STAG1: variants seen among roughly 807,000 people sequenced by gnomAD.
STAG1 encodes the protein cohesin subunit SA-1.
STAG1 carries 26 observed loss-of-function variants against 170.9 expected under a neutral mutation model. The ratio of observed to expected loss-of-function variants is 0.15; its 90% CI spans 0.11 to 0.21. The LOEUF (loss-of-function observed/expected upper bound fraction) is 0.21, where lower values mean the gene tolerates loss of function less well. Among genes scored for constraint, STAG1 ranks in the 10% least tolerant of loss-of-function variants. STAG1 has a pLI of 1.00. For missense variants in STAG1, 964 were observed against 1,509.5 expected (o/e 0.64, Z 5.99); for synonymous variants, 514 against 497.7 (o/e 1.03, Z -0.44).
intron 1 of STAG1, among the ~76,000 whole-genome samples, chr3:136,668,390 A>AAAT (rs1371420944): frequency 6.8e-6 from 1 of 146,420 alleles, no homozygotes; most frequent in East Asian, 1.9e-4. Flanking sequence ...ATAATATATA[A>AAAT]AATATATATT....
chr3:136,739,514 AAAAAAG>A (rs1283435963), intron 1 of STAG1, among the ~76,000 whole-genome samples: 3 of 149,104 alleles, frequency 2.0e-5, no homozygotes, highest in Non-Finnish European at 3.0e-5. Flanking sequence ...AAAAAAAAAA[AAAAAAG>A]AAAAAAAAAA....
chr3:136,706,099 G>A (rs1436030394), intron 1 of STAG1, among the ~76,000 whole-genome samples: 1 of 151,996 alleles, frequency 6.6e-6, no homozygotes, highest in Non-Finnish European at 1.5e-5. Context: ...AAAAACTCAG[G>A]AAACCAGCAA....
At chr3:136,662,502 A>G (rs1328066531) in intron 1 of STAG1, among the ~76,000 whole-genome samples, 1 of 151,830 alleles carries the variant, frequency 6.6e-6, no homozygotes, top group Non-Finnish European at 1.5e-5. Flanking sequence ...TGAGTGTGCT[A>G]GCGCAATCAT....
intron 16 of STAG1, among the ~76,000 whole-genome samples, chr3:136,431,028 C>T (rs1030742967): frequency 2.0e-5 from 3 of 151,962 alleles, no homozygotes; most frequent in East Asian, 1.9e-4. Context: ...CTCAGCCTCT[C>T]GAGTAGCTGG....
intron 13 of STAG1, among the ~76,000 whole-genome samples, chr3:136,463,421 T>C (rs1037677918): frequency 6.6e-6 from 1 of 152,148 alleles, no homozygotes; most frequent in Non-Finnish European, 1.5e-5. Flanking sequence ...TGATTTATAG[T>C]TGTACTTCAG....
intron 23 of STAG1, among the ~76,000 whole-genome samples, chr3:136,376,220 C>T (rs1169265696): frequency 6.6e-6 from 1 of 150,882 alleles, no homozygotes; most frequent in East Asian, 2.0e-4. Context: ...ATAAGTAATA[C>T]TGTACTCTTT....
At chr3:136,563,757 A>G (rs1936940604) in intron 5 of STAG1, among the ~76,000 whole-genome samples, 2 of 152,064 alleles carry the variant, frequency 1.3e-5, no homozygotes, top group East Asian at 3.8e-4. Context: ...ACGGTGGCTC[A>G]TGCCTGTAAT....
intron 1 of STAG1, among the ~76,000 whole-genome samples, chr3:136,714,907 C>CAAA (rs566097796): frequency 2.0e-5 from 1 of 49,668 alleles, no homozygotes; most frequent in African/African-American, 8.2e-5. Flanking sequence ...AGCCCCATCT[C>CAAA]AAAAAAAAAA....
chr3:136,676,840 G>A (rs186386492), intron 1 of STAG1, among the ~76,000 whole-genome samples: 106 of 151,634 alleles, frequency 7.0e-4, no homozygotes, highest in African/African-American at 2.5e-3. Flanking sequence ...CTTTTTTTAA[G>A]TTAAGTTATA....
intron 3 of STAG1, among the ~76,000 whole-genome samples, chr3:136,618,235 G>A (rs760853779): frequency 6.6e-6 from 1 of 151,910 alleles, no homozygotes; most frequent in African/African-American, 2.4e-5. Flanking sequence ...CACTCACCCC[G>A]TCACTCTCTT....
intron 1 of STAG1, among the ~76,000 whole-genome samples, chr3:136,667,653 G>T (rs1256700487): frequency 2.0e-5 from 3 of 151,906 alleles, no homozygotes; most frequent in African/African-American, 4.8e-5. Context: ...ATGCCACCAC[G>T]CCCAGCTAAG....
chr3:136,400,791 C>T (rs1054641947), intron 21 of STAG1, among the ~76,000 whole-genome samples: 1 of 152,168 alleles, frequency 6.6e-6, no homozygotes, highest in South Asian at 2.1e-4. Context: ...GCCTCAGCCT[C>T]CCAAAGGGTT....
intron 23 of STAG1, among the ~76,000 whole-genome samples, chr3:136,372,079 G>A: frequency 6.6e-6 from 1 of 152,126 alleles, no homozygotes; most frequent in Non-Finnish European, 1.5e-5. Context: ...CACATCCCTT[G>A]TGAGTTGGAT....
At position 136,376,203 on chromosome 3, in the gene STAG1, GC is replaced by G. The variant is rs1191547036; in HGVS notation, c.2370+1456del. 1.7e-4 allele frequency among the ~76,000 whole-genome samples: 26 copies of G among 151,104 alleles called. 1 individual carries two copies. Among genetic ancestry groups the G allele is most frequent in the African/African-American group, 6.3e-4 (26 of 41,324 alleles). ...TACTTGTCACTATTTATAAGAGACA[GC>G]AAAGGATAAGTAATACTGTACTCTT... is the stretch of plus-strand genomic sequence containing the variant. On this transcript the variant is annotated intron_variant, in intron 23 of 33. Coordinates refer to ENST00000383202, the MANE Select transcript of STAG1 (RefSeq NM_005862.3).
intron 1 of STAG1, among the ~76,000 whole-genome samples, chr3:136,737,796 G>A (rs994308894): frequency 6.6e-5 from 10 of 152,136 alleles, no homozygotes; most frequent in African/African-American, 1.9e-4. Context: ...AAGGCCAGGC[G>A]CGGTGGCTCA....
At chr3:136,719,148 C>T (rs756743275) in intron 1 of STAG1, among the ~76,000 whole-genome samples, 1 of 151,982 alleles carries the variant, frequency 6.6e-6, no homozygotes, top group African/African-American at 2.4e-5. Flanking sequence ...ACTCAAATGT[C>T]CATGAAGTAA....
At chr3:136,698,562 C>A (rs1942963784) in intron 1 of STAG1, among the ~76,000 whole-genome samples, 2 of 152,142 alleles carry the variant, frequency 1.3e-5, no homozygotes, top group Non-Finnish European at 2.9e-5. Context: ...TAAACTACTA[C>A]AACCACTACG....
chr3:136,656,972 T>C (rs1367130433), intron 1 of STAG1, among the ~76,000 whole-genome samples: 1 of 151,862 alleles, frequency 6.6e-6, no homozygotes, highest in Non-Finnish European at 1.5e-5. Flanking sequence ...ATATTTACAC[T>C]TAAATGTATT....
At chr3:136,421,203 C>T in intron 19 of STAG1, 40 bp from the exon 20 acceptor site, 3 of 1,393,028 alleles carry the variant, frequency 2.2e-6, no homozygotes, top group Non-Finnish European at 3.0e-6. Context: ...CAACTTTACT[C>T]ACCTTATAGT....
Sources: allele counts gnomAD v4.1 joint callset (sites outside exome capture counted in the v4.1 genomes callset), GRCh38; gene constraint gnomAD v4.1.1; transcripts MANE v1.5; gene names NCBI Gene and HGNC (gene_info 2026-07-23, HGNC 2026-07-21).